Variants in KIAA1328 observed in about 807,000 individuals in gnomAD.
The protein encoded by KIAA1328 is KIAA1328, also known as protein hinderin.
In KIAA1328, 52 loss-of-function variants were observed where a neutral mutation model predicts 68.1. The observed-to-expected ratio is 0.76, with a 90% confidence interval of 0.61 to 0.96. The LOEUF (loss-of-function observed/expected upper bound fraction) is 0.96, where lower values mean the gene tolerates loss of function less well. Ranked by LOEUF, KIAA1328 falls within the 40% of genes least tolerant of loss-of-function variation. The pLI is 0.00. For missense variants in KIAA1328, 641 were observed against 677.6 expected, an observed-to-expected ratio of 0.95 and a Z score of 0.60; for synonymous variants, 232 against 239.4, an observed-to-expected ratio of 0.97 and a Z score of 0.28.
At chr18:37,067,606 G>C in intron 7 of KIAA1328, 61 bp downstream of exon 7, 1 of 1,430,802 alleles carries the variant, frequency 7.0e-7, no homozygotes, top group Non-Finnish European at 9.1e-7. Flanking sequence ...TGTTGCCCAG[G>C]CTGGAGTGTA....
At chr18:37,140,889 G>A (rs1302959348) in intron 7 of KIAA1328, among the ~76,000 whole-genome samples, 1 of 152,128 alleles carries the variant, frequency 6.6e-6, no homozygotes, top group Non-Finnish European at 1.5e-5. Context: ...CTGATCATCT[G>A]ACAATTAGGT....
chr18:37,231,970 T>G (rs915006875), downstream of KIAA1328: 1 of 152,216 alleles, frequency 6.6e-6, no homozygotes, highest in Non-Finnish European at 1.5e-5. Context: ...TCCTCTGTTC[T>G]TCTCTCAGCT....
At chr18:36,968,357 T>C (rs1428010531) in intron 6 of KIAA1328, among the ~76,000 whole-genome samples, 1 of 152,134 alleles carries the variant, frequency 6.6e-6, no homozygotes, top group Non-Finnish European at 1.5e-5. Context: ...CAATGGTATG[T>C]TGTGTTCAAG....
At chr18:36,944,953 A>C (rs1486407656) in intron 5 of KIAA1328, among the ~76,000 whole-genome samples, 1 of 152,208 alleles carries the variant, frequency 6.6e-6, no homozygotes, top group Non-Finnish European at 1.5e-5. Flanking sequence ...TTTTTTGAGA[A>C]CTTTGGTAAT....
chr18:37,115,495 G>A (rs1355463259), intron 7 of KIAA1328, among the ~76,000 whole-genome samples: 2 of 152,172 alleles, frequency 1.3e-5, no homozygotes, highest in Admixed American at 1.3e-4. Context: ...CAATAAGCTA[G>A]GTATTGATGG....
At chr18:36,937,133 G>A (rs1025919457) in intron 5 of KIAA1328, among the ~76,000 whole-genome samples, 1 of 152,132 alleles carries the variant, frequency 6.6e-6, no homozygotes, top group Non-Finnish European at 1.5e-5. Flanking sequence ...TCAGTAAATG[G>A]TAATGGGAAA....
At position 36,959,409 on chromosome 18, in the gene KIAA1328, G is replaced by C. The variant is rs898057513; in HGVS notation, c.550G>C (p.Gly184Arg). Residue 184 changes from glycine to arginine, a missense_variant, in exon 6 of 10, where the codon GGT (glycine) becomes CGT (arginine). By Grantham distance (125) the Gly-to-Arg change is moderately radical. Coordinates refer to ENST00000280020, the MANE Select transcript of KIAA1328 (RefSeq NM_020776.3). ...GCTCACCATGTCTCTCTCAGAACTT[G>C]GTGCTGCTAGAATGCAGGAACAGCA... Reference protein sequence around the residue: ...EKLTMSLSELGAARMQEQQVS... With the variant: ...EKLTMSLSELRAARMQEQQVS... The C allele has an allele frequency of 1.9e-6, 3 of 1,608,950 alleles. No individual in the cohort carries two copies. The highest frequency in any genetic ancestry group is 2.5e-6 in the Non-Finnish European group (3 of 1,178,176).
intron 5 of KIAA1328, among the ~76,000 whole-genome samples, chr18:36,892,006 A>T (rs72887029): frequency 0.14 from 20,712 of 152,248 alleles, 1,756 homozygotes; most frequent in Admixed American, 0.18. Context: ...TTATATGATT[A>T]TGTGAAAGAA....
intron 6 of KIAA1328, among the ~76,000 whole-genome samples, chr18:36,980,148 A>T (rs1052352861): frequency 2.0e-5 from 3 of 152,156 alleles, no homozygotes; most frequent in Non-Finnish European, 4.4e-5. Flanking sequence ...CTTGGATTTC[A>T]CCATCTCCTG....
intron 4 of KIAA1328, among the ~76,000 whole-genome samples, chr18:36,857,423 GC>G (rs956644941): frequency 1.3e-5 from 2 of 152,104 alleles, no homozygotes; most frequent in African/African-American, 4.8e-5. Context: ...AAGCCTCTCT[GC>G]CAGTCTATCA....
chr18:37,080,005 A>G (rs538205864), intron 7 of KIAA1328, among the ~76,000 whole-genome samples: 159 of 152,284 alleles, frequency 1.0e-3, no homozygotes, highest in Middle Eastern at 3.4e-3. Context: ...TTTTATTCAA[A>G]CGTTAGATTT....
chr18:37,094,067 T>G (rs2057337103), intron 7 of KIAA1328, among the ~76,000 whole-genome samples: 1 of 152,212 alleles, frequency 6.6e-6, no homozygotes, highest in Admixed American at 6.5e-5. Context: ...ATGAAACTGT[T>G]TCACCTTAGA....
chr18:37,199,852 G>A (rs566214441), intron 9 of KIAA1328, among the ~76,000 whole-genome samples: 11 of 152,286 alleles, frequency 7.2e-5, no homozygotes, highest in African/African-American at 2.6e-4. Flanking sequence ...GATCAATGAT[G>A]TTGAGCATTT....
intron 6 of KIAA1328, among the ~76,000 whole-genome samples, chr18:37,065,014 A>G (rs978806078): frequency 4.6e-5 from 7 of 152,226 alleles, no homozygotes; most frequent in African/African-American, 1.7e-4. Flanking sequence ...GGAAACTAAT[A>G]CAGTAGTTGT....
rs552737684 is a variant in KIAA1328, at chr18:37,151,407, A to G, written c.1233-8793A>G. On this transcript the variant is annotated intron_variant, in intron 7 of 9. Transcript: ENST00000280020. ...TCAAAATACCAACATACTGTTTTAT[A>G]GAAGTTGGCAAACTTATTCTGAAAT... Among the ~76,000 whole-genome samples the G allele has an allele frequency of 2.6e-5, 4 of 152,336 alleles. No individual in the cohort carries two copies. The South Asian group carries it at 8.3e-4, about 32-fold the overall frequency.
rs918340627 is a variant in KIAA1328, at chr18:37,075,428, C to A, written c.1232+7883C>A. On this transcript the variant is annotated intron_variant, in intron 7 of 9. Coordinates refer to ENST00000280020, the MANE Select transcript of KIAA1328 (RefSeq NM_020776.3). ...GCTAGGAAGAAACTGCATCAACTAA[C>A]GAGCAAAATAACCAGCTAACATCAT... 12 of 152,254 alleles carry A rather than the reference C, an allele frequency of 7.9e-5. No homozygotes were observed. In the South Asian group the frequency reaches 1.9e-3, roughly 24 times the overall value. The allele number at this position is 152,254 out of a possible 1,614,324, so 9.4% of individuals were successfully genotyped here. A position where few individuals can be genotyped will look rare whatever the true frequency, so the allele number is the denominator to read the frequency against.
chr18:36,835,494 T>TA, intron 3 of KIAA1328, 118 bp downstream of exon 3: 1 of 988,370 alleles, frequency 1.0e-6, no homozygotes, highest in Non-Finnish European at 1.5e-6. Flanking sequence ...TCTTAAAAGA[T>TA]ACAGAGGATT....
At chr18:36,863,001 T>C (rs970526361) in intron 4 of KIAA1328, among the ~76,000 whole-genome samples, 5 of 152,278 alleles carry the variant, frequency 3.3e-5, no homozygotes, top group South Asian at 2.1e-4. Context: ...CCATTTCTTA[T>C]TGCAATTTTT....
chr18:36,970,904 C>G (rs767153614), intron 6 of KIAA1328, among the ~76,000 whole-genome samples: 1 of 152,098 alleles, frequency 6.6e-6, no homozygotes, highest in Non-Finnish European at 1.5e-5. Flanking sequence ...CAATGCTATC[C>G]CCATCAAGCT....
Sources: gnomAD v4.1 joint callset for allele counts (sites outside exome capture counted in the v4.1 genomes callset) on GRCh38, gnomAD v4.1.1 for gene constraint, MANE v1.5 for transcripts, NCBI Gene and HGNC (gene_info 2026-07-23, HGNC 2026-07-21) for gene names.